TTLL11: variants seen among roughly 807,000 people sequenced by gnomAD.
TTLL11 encodes the protein tubulin tyrosine ligase like 11, also known as tubulin polyglutamylase TTLL11.
In TTLL11, 42 loss-of-function variants were observed where a neutral mutation model predicts 51.7. The observed-to-expected ratio is 0.81, with a 90% CI of 0.64 to 1.05. TTLL11 has a LOEUF of 1.05. TTLL11 is among the 50% of genes least tolerant of loss of function. The pLI is 0.00. For missense variants in TTLL11, 799 were observed against 940.4 expected (o/e 0.85, Z 1.97); for synonymous variants, 381 against 383.5 (o/e 0.99, Z 0.08).
At chr9:122,069,684 A>T (rs1845679525) in intron 1 of TTLL11, among the ~76,000 whole-genome samples, 1 of 152,020 alleles carries the variant, frequency 6.6e-6, no homozygotes, top group Non-Finnish European at 1.5e-5. Flanking sequence ...CCGTCTCAAA[A>T]AAACAACAGC....
intron 6 of TTLL11, among the ~76,000 whole-genome samples, chr9:121,883,410 G>A (rs1283971990): frequency 6.6e-6 from 1 of 152,156 alleles, no homozygotes; most frequent in Non-Finnish European, 1.5e-5. Context: ...TATATTTATT[G>A]AGTACTAACT....
chr9:121,966,938 T>G (rs1216869858), intron 6 of TTLL11, among the ~76,000 whole-genome samples: 6 of 152,200 alleles, frequency 3.9e-5, no homozygotes, highest in Admixed American at 3.9e-4. Flanking sequence ...GATTGACCAC[T>G]TGGTGACCCT....
At chr9:121,984,606 CCTT>C (rs1229376592) in intron 4 of TTLL11, among the ~76,000 whole-genome samples, 1 of 152,118 alleles carries the variant, frequency 6.6e-6, no homozygotes, top group Non-Finnish European at 1.5e-5. Flanking sequence ...TGCTCCTTGG[CCTT>C]CTTCCCTTGG....
chr9:121,936,278 A>G (rs528260894), intron 6 of TTLL11, among the ~76,000 whole-genome samples: 139 of 138,666 alleles, frequency 1.0e-3, no homozygotes, highest in Non-Finnish European at 1.6e-3. Context: ...TTTTTTTTTT[A>G]TTGGAGACAG....
At chr9:122,043,067 G>A (rs995779441) in intron 1 of TTLL11, among the ~76,000 whole-genome samples, 4 of 152,100 alleles carry the variant, frequency 2.6e-5, no homozygotes, top group Non-Finnish European at 4.4e-5. Context: ...AGAGTGAAGA[G>A]TAATGTAAAC....
At chr9:121,971,392 G>GTT (rs2131647935) in intron 6 of TTLL11, among the ~76,000 whole-genome samples, 1 of 109,602 alleles carries the variant, frequency 9.1e-6, no homozygotes, top group Non-Finnish European at 2.2e-5. Flanking sequence ...CCGGGAGGGA[G>GTT]GTGGGGGGGT....
At chr9:122,011,040 T>C (rs1185321389) in intron 3 of TTLL11, among the ~76,000 whole-genome samples, 2 of 152,212 alleles carry the variant, frequency 1.3e-5, no homozygotes, top group Non-Finnish European at 2.9e-5. Context: ...AGGAGGGACC[T>C]GGTAGGAGAT....
intron 6 of TTLL11, among the ~76,000 whole-genome samples, chr9:121,939,711 T>G (rs980758788): frequency 6.6e-6 from 1 of 152,142 alleles, no homozygotes; most frequent in Non-Finnish European, 1.5e-5. Context: ...TTTTGTAATT[T>G]TATAAAAGCA....
Position 121,989,979 on chromosome 9 carries a change from C to T in TTLL11, c.694-209G>A, listed in dbSNP as rs1395084959. On this transcript the variant is annotated intron_variant, in intron 3 of 8. Transcript: ENST00000321582. The surrounding 1 kb of genome is among the most constrained non-coding windows in gnomAD (Gnocchi z 4.2). ...CTGTCCCCAGTCTTGTGCTCCAGAGCGAGGTGGAGAGTGTAGTGGACTGGC... is the reference window on the plus strand; with the variant it reads ...CTGTCCCCAGTCTTGTGCTCCAGAGTGAGGTGGAGAGTGTAGTGGACTGGC... Among the ~76,000 whole-genome samples the T allele has an allele frequency of 4.6e-5, 7 of 152,278 alleles. No individual in the cohort carries two copies. The highest frequency in any genetic ancestry group is 1.9e-4 in the East Asian group (1 of 5,176).
intron 6 of TTLL11, among the ~76,000 whole-genome samples, chr9:121,948,458 T>C (rs1841745008): frequency 6.6e-6 from 1 of 152,222 alleles, no homozygotes; most frequent in Admixed American, 6.5e-5. Flanking sequence ...TAGCTACTGT[T>C]CATCAAGTAA....
intron 6 of TTLL11, among the ~76,000 whole-genome samples, chr9:121,963,009 C>T (rs1460545530): frequency 6.6e-6 from 1 of 152,248 alleles, no homozygotes; most frequent in East Asian, 1.9e-4. Flanking sequence ...CGTCTGTTCT[C>T]TTGCAGGGCG....
chr9:122,082,260 T>C (rs1311496224), intron 1 of TTLL11, among the ~76,000 whole-genome samples: 2 of 152,118 alleles, frequency 1.3e-5, no homozygotes, highest in African/African-American at 2.4e-5. Context: ...TCCCAACACT[T>C]TGGGAGGCCA....
At chr9:121,823,351 G>T (rs1836643757) in intron 8 of TTLL11, among the ~76,000 whole-genome samples, 1 of 152,218 alleles carries the variant, frequency 6.6e-6, no homozygotes, top group Admixed American at 6.5e-5. Context: ...TTCGAGACCA[G>T]CCTGGCCAAC....
At chr9:121,825,363 G>C (rs759611836) in intron 8 of TTLL11, among the ~76,000 whole-genome samples, 5 of 152,122 alleles carry the variant, frequency 3.3e-5, no homozygotes, top group Admixed American at 1.3e-4. Context: ...GTGGCTGGCT[G>C]ACAGTGCCAA....
chr9:121,904,689 C>T (rs78595202), intron 6 of TTLL11, among the ~76,000 whole-genome samples: 9,299 of 152,332 alleles, frequency 0.061, 308 homozygotes, highest in Middle Eastern at 0.099. Context: ...TTTCTTCCAA[C>T]TGGGCTTCTG....
At chr9:121,953,427 G>A (rs1355185730) in intron 6 of TTLL11, among the ~76,000 whole-genome samples, 2 of 151,958 alleles carry the variant, frequency 1.3e-5, no homozygotes, top group African/African-American at 2.4e-5. Flanking sequence ...GAGGCCAGGA[G>A]TTCGAGACCT....
intron 1 of TTLL11, among the ~76,000 whole-genome samples, chr9:122,072,050 G>GAC (rs140778712): frequency 1.1e-4 from 16 of 151,784 alleles, no homozygotes; most frequent in African/African-American, 3.9e-4. Context: ...TTCACACACA[G>GAC]ACACACACAC....
At chr9:122,061,099 C>T (rs998637735) in intron 1 of TTLL11, among the ~76,000 whole-genome samples, 1 of 152,186 alleles carries the variant, frequency 6.6e-6, no homozygotes, top group Non-Finnish European at 1.5e-5. Flanking sequence ...GCATCACTTG[C>T]CTTGTTCACA....
intron 1 of TTLL11, among the ~76,000 whole-genome samples, chr9:122,077,701 C>T (rs901080512): frequency 6.6e-6 from 1 of 151,728 alleles, no homozygotes; most frequent in Non-Finnish European, 1.5e-5. Context: ...TTATATAATG[C>T]AATTCATAAG....
Sources: gnomAD v4.1 joint callset for allele counts (sites outside exome capture counted in the v4.1 genomes callset) on GRCh38, gnomAD v4.1.1 for gene constraint, Gnocchi (gnomAD v3.1) non-coding constraint, MANE v1.5 for transcripts, NCBI Gene and HGNC (gene_info 2026-07-23, HGNC 2026-07-21) for gene names.